Variants in MPDZ observed in about 807,000 individuals in gnomAD.
MPDZ encodes multiple PDZ domain crumbs cell polarity complex component.
In MPDZ, 234 loss-of-function variants were observed where a neutral mutation model predicts 239.1. The observed-to-expected ratio is 0.98, with a 90% CI of 0.88 to 1.09. The LOEUF is 1.09. Among genes scored for constraint, MPDZ ranks in the 50% least tolerant of loss-of-function variants. The pLI, the probability that MPDZ is intolerant of heterozygous loss-of-function variation, is 0.00. For synonymous variants in MPDZ, 1,048 were observed against 881.3 expected, an observed-to-expected ratio of 1.19 and a Z score of -3.35; for missense variants, 3,175 against 2,510.0, an observed-to-expected ratio of 1.26 and a Z score of -5.66.
rs990451622 is a variant in MPDZ at position 13,242,570 on chromosome 9, T to C, written c.183+5065A>G. Among the ~76,000 whole-genome samples, 7 of 151,274 alleles carry C rather than the reference T, an allele frequency of 4.6e-5. No individual in the cohort carries two copies. The South Asian group carries it at 1.3e-3, about 27-fold the overall frequency. On this transcript the variant is annotated intron_variant, in intron 3 of 46. Coordinates refer to ENST00000319217, the MANE Select transcript of MPDZ (RefSeq NM_001378778.1). The stretch of plus-strand genomic sequence containing the variant: ...AAAATGATTGCTAAAATAATGTACA[T>C]ACTAGAACAATTAGAAGACAAAGTT...
Position 13,143,576 on chromosome 9 carries a change from CA to C in MPDZ, c.3742-13del, listed in dbSNP as rs750195439. The stretch of plus-strand genomic sequence containing the variant: ...GGCAAAGGGGATTTCTAAAAGGAAA[CA>C]TAAGAGGCGCTGAACGCAAAGGAAA... On this transcript the variant is annotated splice_polypyrimidine_tract_variant and intron_variant, in intron 26 of 46. Coordinates refer to ENST00000319217, the MANE Select transcript of MPDZ (RefSeq NM_001378778.1). The C allele has an allele frequency of 1.0e-5, 16 of 1,601,924 alleles. No homozygotes were observed. Among genetic ancestry groups the C allele is most frequent in the Non-Finnish European group, 1.3e-5 (15 of 1,169,324 alleles).
intron 36 of MPDZ, among the ~76,000 whole-genome samples, chr9:13,122,628 C>T (rs550817988): frequency 1.3e-5 from 2 of 151,686 alleles, no homozygotes; most frequent in South Asian, 4.2e-4. Flanking sequence ...TCAAGAGATT[C>T]TCCTGCCTCA....
intron 12 of MPDZ, among the ~76,000 whole-genome samples, chr9:13,204,467 C>G (rs772443872): frequency 4.6e-5 from 7 of 151,978 alleles, no homozygotes; most frequent in Non-Finnish European, 8.8e-5. Flanking sequence ...TTAAAAATAG[C>G]TTAATGGGTC....
intron 1 of MPDZ, among the ~76,000 whole-genome samples, chr9:13,271,587 G>A (rs896759964): frequency 1.3e-5 from 2 of 152,002 alleles, no homozygotes; most frequent in Non-Finnish European, 2.9e-5. Context: ...TCTTTTCTGC[G>A]TAGCCCCCAT....
chr9:13,121,114 G>A (rs756889447), intron 38 of MPDZ, among the ~76,000 whole-genome samples: 20 of 152,120 alleles, frequency 1.3e-4, no homozygotes, highest in Admixed American at 2.0e-4. Context: ...GTGAATTTTT[G>A]CGCATTCACT....
Position 13,255,852 on chromosome 9 carries a change from G to T in MPDZ, c.-57-5480C>A, listed in dbSNP as rs182463988. On this transcript the variant is annotated intron_variant, in intron 1 of 46. Coordinates refer to ENST00000319217, the MANE Select transcript of MPDZ (RefSeq NM_001378778.1). ...ATTTTTGAAATGGTAAATAAGCACT[G>T]GCTTCAATTTGACATCACCATCTGC... Among the ~76,000 whole-genome samples the T allele has an allele frequency of 1.0e-3, 157 of 152,254 alleles. 1 individual carries two copies. The South Asian group carries it at 0.018, about 17-fold the overall frequency.
At chr9:13,265,681 G>A (rs1235861625) in intron 1 of MPDZ, among the ~76,000 whole-genome samples, 1 of 152,206 alleles carries the variant, frequency 6.6e-6, no homozygotes, top group African/African-American at 2.4e-5. Flanking sequence ...TGTCGGAGGT[G>A]ATAGTACAAA....
At chr9:13,225,196 TA>T (rs199932971) in intron 3 of MPDZ, among the ~76,000 whole-genome samples, 3,862 of 151,420 alleles carry the variant, frequency 0.026, 92 homozygotes, top group Middle Eastern at 0.054. Flanking sequence ...GTCAAAAGTT[TA>T]AAAAAAAATT....
rs746225933 is a variant in MPDZ, at chr9:13,186,380, G to A, written c.2371C>T (p.Pro791Ser). Residue 791 changes from proline to serine, a missense_variant, in exon 18 of 47, where the codon CCA becomes TCA. Pro to Ser is a moderately conservative substitution (Grantham distance 74). Transcript: ENST00000319217. ...IGVAKPLPLS[P>S]EEGYVSAKED... ...TTAGCAGAAACATAACCTTCTTCTG[G>A]TGAAAGCTGCAGGGAAAAAATGGTA... 1.3e-6 allele frequency: 2 copies of A among 1,565,256 alleles called. No homozygotes were observed. Among genetic ancestry groups the A allele is most frequent in the East Asian group, 2.3e-5 (1 of 42,656 alleles).
chr9:13,223,368 A>G (rs770639836), intron 5 of MPDZ, among the ~76,000 whole-genome samples: 4 of 152,084 alleles, frequency 2.6e-5, no homozygotes, highest in Non-Finnish European at 5.9e-5. Flanking sequence ...AACTTAAGTT[A>G]TGACTATATC....
In MPDZ at chr9:13,150,508, T is replaced by C. The variant is rs1308993127; in HGVS notation, c.3630+3A>G. 1 of 1,536,782 alleles carries C rather than the reference T, an allele frequency of 6.5e-7. No individual in the cohort carries two copies. Among genetic ancestry groups the C allele is most frequent in the African/African-American group, 1.4e-5 (1 of 72,020 alleles). On this transcript the variant is annotated splice_donor_region_variant and intron_variant, in intron 25 of 46. Transcript: ENST00000319217. The stretch of plus-strand genomic sequence containing the variant: ...TTAGCACAGAAAGCTCACTAGAGGG[T>C]ACCTCTACGATTCTATCTCCAGGTT...
intron 24 of MPDZ, among the ~76,000 whole-genome samples, chr9:13,152,738 C>T (rs773562555): frequency 3.3e-5 from 5 of 152,056 alleles, no homozygotes; most frequent in Admixed American, 1.3e-4. Flanking sequence ...GGTATGCTCC[C>T]GCCTTGGGGC....
At chr9:13,239,738 G>A (rs1174006622) in intron 3 of MPDZ, among the ~76,000 whole-genome samples, 2 of 152,082 alleles carry the variant, frequency 1.3e-5, no homozygotes, top group Middle Eastern at 3.2e-3. Flanking sequence ...AGATGAATAT[G>A]GCATGGACTT....
At chr9:13,236,779 A>G (rs1964154755) in intron 3 of MPDZ, among the ~76,000 whole-genome samples, 1 of 152,064 alleles carries the variant, frequency 6.6e-6, no homozygotes, top group African/African-American at 2.4e-5. Flanking sequence ...TCTTTTCATT[A>G]TTGTTATCAA....
At chr9:13,172,805 A>C (rs1587497552) in intron 21 of MPDZ, among the ~76,000 whole-genome samples, 1 of 152,210 alleles carries the variant, frequency 6.6e-6, no homozygotes, top group African/African-American at 2.4e-5. Context: ...GGACACTTCT[A>C]CCTTTCACTG....
At chr9:13,109,123 T>C in intron 45 of MPDZ, 64 bp from the exon 46 acceptor site, 1 of 1,155,684 alleles carries the variant, frequency 8.7e-7, no homozygotes, top group Non-Finnish European at 1.1e-6. Flanking sequence ...ATATATGTTA[T>C]GAATTATCTG....
intron 38 of MPDZ, chr9:13,120,197 G>C (rs1358296667): frequency 6.6e-6 from 1 of 151,746 alleles, no homozygotes; most frequent in African/African-American, 2.4e-5. Context: ...ACACGAGATA[G>C]GTTTATGCAA....
intron 24 of MPDZ, 150 bp from the exon 25 acceptor site, chr9:13,150,838 A>G: frequency 1.9e-6 from 1 of 537,700 alleles, no homozygotes. Context: ...TCAAAATTAA[A>G]AACTTCTGTT....
chr9:13,189,076 T>A, intron 16 of MPDZ, 83 bp from the exon 17 acceptor site: 1 of 1,176,916 alleles, frequency 8.5e-7, no homozygotes, highest in Non-Finnish European at 1.2e-6. Context: ...TCGTAACGAA[T>A]GAGTAATTGT....
Sources: allele counts gnomAD v4.1 joint callset (sites outside exome capture counted in the v4.1 genomes callset), GRCh38; gene constraint gnomAD v4.1.1; transcripts MANE v1.5; gene names NCBI Gene and HGNC (gene_info 2026-07-23, HGNC 2026-07-21).